The following PKHD1L1 variants were observed in gnomAD, a reference collection of about 807,000 sequenced individuals.
PKHD1L1 encodes the protein fibrocystin-L.
Under a neutral mutation model 462.9 loss-of-function variants are expected in PKHD1L1, and 434 were observed. The ratio of observed to expected loss-of-function variants is 0.94; its 90% CI spans 0.87 to 1.02. The LOEUF (loss-of-function observed/expected upper bound fraction) is 1.02. Among genes scored for constraint, PKHD1L1 ranks in the 50% least tolerant of loss-of-function variants. The pLI is 0.00. For missense variants in PKHD1L1, 5,202 were observed against 5,096.1 expected (o/e 1.02, Z -0.63); for synonymous variants, 1,781 against 1,750.0 (o/e 1.02, Z -0.44).
At chr8:109,365,872 C>A (rs1416561158) in intron 2 of PKHD1L1, among the ~76,000 whole-genome samples, 1 of 152,044 alleles carries the variant, frequency 6.6e-6, no homozygotes, top group African/African-American at 2.4e-5. Flanking sequence ...TACCCAGGAG[C>A]CTGAGGCAGA....
In PKHD1L1 at chr8:109,485,163, T is replaced by C; in HGVS notation, c.9696T>C (p.Tyr3232=). 1 of 1,577,480 alleles carries C rather than the reference T, an allele frequency of 6.3e-7. No homozygotes were observed. The highest frequency in any genetic ancestry group is 8.6e-7 in the Non-Finnish European group (1 of 1,161,490). The change falls in exon 58 of 78, where the codon TAT becomes TAC. Residue 3232 remains tyrosine, a synonymous_variant. Coordinates refer to ENST00000378402, the MANE Select transcript of PKHD1L1 (RefSeq NM_177531.6). The part of the protein sequence containing the change: ...KILILNDSLS[Y]THFAEKYHVP... Reference sequence around the variant, plus strand: ...TCATTCTTAATGATAGCCTTTCCTATACTCACTTTGGTAAGTGGATGCTTT... The same window carrying C: ...TCATTCTTAATGATAGCCTTTCCTACACTCACTTTGGTAAGTGGATGCTTT...
At chr8:109,502,161 A>C (rs1488025552) in intron 67 of PKHD1L1, among the ~76,000 whole-genome samples, 1 of 152,092 alleles carries the variant, frequency 6.6e-6, no homozygotes, top group Non-Finnish European at 1.5e-5. Context: ...AATACATGCA[A>C]TTTCAATATT....
chr8:109,415,800 A>C lies in PKHD1L1; in HGVS notation c.2360+2255A>C, dbSNP rs528497878. Among the ~76,000 whole-genome samples the C allele has an allele frequency of 9.3e-5, 14 of 149,882 alleles. No individual in the cohort carries two copies. In the South Asian group the frequency reaches 2.8e-3, roughly 30 times the overall value. On this transcript the variant is annotated intron_variant, in intron 21 of 77. Transcript: ENST00000378402. The stretch of plus-strand genomic sequence containing the variant: ...GAGATCCAGGCTGCAGTGAGCCAAG[A>C]TTGTGACACTGCACTCCAGCCTGGG...
rs112658252 is a variant in PKHD1L1, at chr8:109,486,943, A to G, written c.9880+122A>G. The G allele has an allele frequency of 9.6e-3, 10,287 of 1,066,494 alleles. 75 individuals are homozygous for G. Among genetic ancestry groups the G allele is most frequent in the South Asian group, 0.016 (893 of 55,300 alleles). 66.1% of individuals were successfully genotyped at this position (1,066,494 alleles called of 1,614,324 possible). ...TTATGTGGGAAAATAAAGCATTAAA[A>G]GTGATTATGTAGCCCAGTTTTTACC... On this transcript the variant is annotated intron_variant, in intron 59 of 77. Transcript: ENST00000378402.
intron 57 of PKHD1L1, among the ~76,000 whole-genome samples, chr8:109,483,684 T>C (rs968657160): frequency 1.3e-5 from 2 of 150,998 alleles, no homozygotes; most frequent in Non-Finnish European, 3.0e-5. Flanking sequence ...TGAACATTTT[T>C]GGATAAAATT....
intron 43 of PKHD1L1, among the ~76,000 whole-genome samples, chr8:109,453,768 G>A (rs1350652187): frequency 6.6e-6 from 1 of 152,156 alleles, no homozygotes; most frequent in Admixed American, 6.6e-5. Flanking sequence ...CAAAGCTAAT[G>A]TTGACATTAT....
chr8:109,438,188 A>G, intron 30 of PKHD1L1, 136 bp from the exon 31 acceptor site: 1 of 658,612 alleles, frequency 1.5e-6, no homozygotes, highest in African/African-American at 1.9e-5. Context: ...TTCTAAATAT[A>G]TGAAAACTGA....
intron 2 of PKHD1L1, among the ~76,000 whole-genome samples, chr8:109,378,492 TTTC>T (rs1811950110): frequency 1.3e-5 from 2 of 152,214 alleles, no homozygotes; most frequent in African/African-American, 2.4e-5. Flanking sequence ...GCACATCCTA[TTTC>T]TTCTACTAAA....
chr8:109,376,436 T>C (rs1258018858), intron 2 of PKHD1L1, among the ~76,000 whole-genome samples: 2 of 152,158 alleles, frequency 1.3e-5, no homozygotes, highest in African/African-American at 2.4e-5. Flanking sequence ...TTCCCTGACC[T>C]CTTGTGCTTC....
chr8:109,403,424 G>A (rs1813373352), intron 14 of PKHD1L1, among the ~76,000 whole-genome samples: 1 of 152,044 alleles, frequency 6.6e-6, no homozygotes, highest in Non-Finnish European at 1.5e-5. Context: ...TTATTCATAT[G>A]GATAAAGGAA....
chr8:109,387,235 T>C lies in PKHD1L1; in HGVS notation c.570-1262T>C, dbSNP rs117523641. ...CCAAATTCAGACCAGGTAGAAATTATAGAGGACATGCAAATGGATAGAGGG... is the reference window on the plus strand; with the variant it reads ...CCAAATTCAGACCAGGTAGAAATTACAGAGGACATGCAAATGGATAGAGGG... On this transcript the variant is annotated intron_variant, in intron 6 of 77. Coordinates refer to ENST00000378402, the MANE Select transcript of PKHD1L1 (RefSeq NM_177531.6). Among the ~76,000 whole-genome samples the C allele has an allele frequency of 5.4e-3, 828 of 152,300 alleles. 29 individuals are homozygous for C. In the East Asian group the frequency reaches 0.083, roughly 15 times the overall value.
chr8:109,485,675 A>G (rs981543052), intron 58 of PKHD1L1, among the ~76,000 whole-genome samples: 1 of 151,962 alleles, frequency 6.6e-6, no homozygotes, highest in Non-Finnish European at 1.5e-5. Flanking sequence ...CCCATTTGGC[A>G]TGGTACCTTC....
chr8:109,438,554 T>G, intron 31 of PKHD1L1, 98 bp downstream of exon 31: 2 of 1,168,334 alleles, frequency 1.7e-6, no homozygotes, highest in Non-Finnish European at 2.4e-6. Flanking sequence ...GTTTTGTTTC[T>G]TAAAGTGAAA....
At chr8:109,372,662 A>C (rs1216905407) in intron 2 of PKHD1L1, among the ~76,000 whole-genome samples, 1 of 152,150 alleles carries the variant, frequency 6.6e-6, no homozygotes, top group Non-Finnish European at 1.5e-5. Context: ...AGCTCTTATT[A>C]TTTTGAGATA....
rs1432557089 is a variant in PKHD1L1 at position 109,459,836 on chromosome 8, G to A, written c.7246G>A (p.Gly2416Arg). Residue 2416 changes from glycine (G) to arginine (R), a missense_variant and splice_region_variant, in exon 47 of 78, where the codon GGA becomes AGA. Physicochemically the swap from Gly to Arg is moderately radical, Grantham distance 125 (BLOSUM62 -2). This residue lies in a region of PKHD1L1 where 4,497 missense variants were observed against 4,336.8 expected (regional missense o/e 1.04). Coordinates refer to ENST00000378402, the MANE Select transcript of PKHD1L1 (RefSeq NM_177531.6). ...IPACPDGFDT[G>R]EFATQTCLQG... ...TGCATGTCCTGATGGATTTGACACA[G>A]GTAATTTTAGCAGCTCTCGTGGTTG... 4 of 1,606,152 alleles carry A rather than the reference G, an allele frequency of 2.5e-6. No homozygotes were observed. The highest frequency in any genetic ancestry group is 1.1e-5 in the South Asian group (1 of 89,996).
Position 109,464,691 on chromosome 8 carries a change from G to A in PKHD1L1, c.7859G>A (p.Gly2620Asp), listed in dbSNP as rs1339418245. 2 of 1,613,614 alleles carry A rather than the reference G, an allele frequency of 1.2e-6. No individual in the cohort carries two copies. The highest frequency in any genetic ancestry group is 1.1e-5 in the South Asian group (1 of 91,080). Residue 2620 changes from glycine to aspartate, a missense_variant, in exon 49 of 78, where the codon GGT becomes GAT. Gly to Asp is a moderately conservative substitution (Grantham distance 94, BLOSUM62 -1). This residue lies in a region of PKHD1L1 where 4,497 missense variants were observed against 4,336.8 expected (regional missense o/e 1.04). Transcript: ENST00000378402. The stretch of plus-strand genomic sequence containing the variant: ...TTTAACAATACTGTCCATTCTCAAG[G>A]TTGGTTTGGAATGTGGATCTTTGAG... ...EFFNNTVHSQ[G>D]WFGMWIFEEY...
chr8:109,434,038 C>T (rs1463514426), intron 28 of PKHD1L1, among the ~76,000 whole-genome samples: 1 of 152,086 alleles, frequency 6.6e-6, no homozygotes, highest in African/African-American at 2.4e-5. Flanking sequence ...CAGATGTTCT[C>T]ACTCATAAGT....
Position 109,481,500 on chromosome 8 carries a change from G to A in PKHD1L1, c.9395G>A (p.Gly3132Glu), listed in dbSNP as rs752265969. ...FKGDLKIVLR[G>E]NHTTQDWALP... is the part of the protein sequence containing the mutation. ...GGAGACTTAAAGATTGTTCTTAGAG[G>A]AAATCATACTACACAAGACTGGGCT... The change falls in exon 56 of 78, where the codon GGA (glycine) becomes GAA (glutamate). Residue 3132 changes from glycine to glutamate, a missense_variant. Physicochemically the swap from Gly to Glu is moderately conservative, Grantham distance 98. Transcript: ENST00000378402. 1.0e-5 allele frequency: 16 copies of A among 1,596,932 alleles called. No individual in the cohort carries two copies. The highest frequency in any genetic ancestry group is 2.3e-5 in the East Asian group (1 of 44,336).
chr8:109,510,931 C>A lies in PKHD1L1; in HGVS notation c.11550C>A (p.Asn3850Lys). The A allele has an allele frequency of 3.7e-6, 6 of 1,612,114 alleles. No homozygotes were observed. Among genetic ancestry groups the A allele is most frequent in the Non-Finnish European group, 5.1e-6 (6 of 1,178,876 alleles). Residue 3850 changes from asparagine to lysine, a missense_variant, in exon 71 of 78, where the codon AAC becomes AAA. Asn to Lys is a moderately conservative substitution (Grantham distance 94). This residue lies in a region of PKHD1L1 where 698 missense variants were observed against 736.3 expected (regional missense o/e 0.95). Transcript: ENST00000378402. Reference protein sequence around the residue: ...LRLMLLNVDHNKAVLVGIFFS... With the variant: ...LRLMLLNVDHKKAVLVGIFFS... Reference sequence around the variant, plus strand: ...TGATGTTGCTTAATGTTGATCATAACAAGGTAGGGCAAGATGTCTTAAGAG... The same window carrying A: ...TGATGTTGCTTAATGTTGATCATAAAAAGGTAGGGCAAGATGTCTTAAGAG...
Sources: gnomAD v4.1 joint callset for allele counts (sites outside exome capture counted in the v4.1 genomes callset) on GRCh38, gnomAD v4.1.1 for gene constraint, gnomAD v4.1.1 regional missense constraint, MANE v1.5 for transcripts, NCBI Gene and HGNC (gene_info 2026-07-23, HGNC 2026-07-21) for gene names.